Variants in CDH4 observed in about 807,000 individuals in gnomAD.
CDH4 encodes the protein cadherin 4, also known as cadherin-4.
In CDH4, 33 loss-of-function variants were observed where a neutral mutation model predicts 86.0. That is an observed-to-expected ratio of 0.38 (90% CI 0.29 to 0.51). The LOEUF is 0.51. CDH4 is among the 20% of genes least tolerant of loss of function. The pLI, the probability that CDH4 is intolerant of heterozygous loss-of-function variation, is 0.86. For missense variants in CDH4, 1,114 were observed against 1,307.4 expected (o/e 0.85, Z 2.28); for synonymous variants, 555 against 549.4 (o/e 1.01, Z -0.14).
rs2087293049 is a variant in CDH4 at position 61,663,968 on chromosome 20, G to C, written c.170-79595G>C. Among the ~76,000 whole-genome samples the C allele has an allele frequency of 6.6e-6, 1 of 152,228 alleles. No homozygotes were observed. The highest frequency in any genetic ancestry group is 1.5e-5 in the Non-Finnish European group (1 of 68,044). ...AGCACCGGTCCACGTTGAGGTGTCT[G>C]TGTGCCACCGGGACCCTTCCGTAGA... On this transcript the variant is annotated intron_variant, in intron 2 of 15. Coordinates refer to ENST00000614565, the MANE Select transcript of CDH4 (RefSeq NM_001794.5). This position sits in a 1 kb window ranked among gnomAD's most constrained non-coding sequence, Gnocchi z 5.0.
intron 2 of CDH4, among the ~76,000 whole-genome samples, chr20:61,614,673 G>A (rs1422698896): frequency 1.3e-5 from 2 of 152,114 alleles, no homozygotes; most frequent in African/African-American, 2.4e-5. Context: ...TGGTGTCAGA[G>A]AAAACACCCC....
chr20:61,433,693 G>A (rs903658864), intron 2 of CDH4, among the ~76,000 whole-genome samples: 7 of 152,082 alleles, frequency 4.6e-5, no homozygotes, highest in African/African-American at 7.2e-5. Flanking sequence ...GAGTGGTGGC[G>A]CATGTGCCCA....
chr20:61,881,363 T>C (rs1984267896), intron 7 of CDH4, among the ~76,000 whole-genome samples: 1 of 152,176 alleles, frequency 6.6e-6, no homozygotes, highest in Non-Finnish European at 1.5e-5. Context: ...AAGTGCCAAG[T>C]GTGGTCCCGG....
chr20:61,743,820 A>G, intron 3 of CDH4, 31 bp downstream of exon 3: 10 of 1,499,098 alleles, frequency 6.7e-6, no homozygotes, highest in Non-Finnish European at 9.1e-6. Flanking sequence ...TCTGCGCTGG[A>G]GTTTAGATGA....
chr20:61,733,140 G>A (rs1438391839), intron 2 of CDH4, among the ~76,000 whole-genome samples: 1 of 152,124 alleles, frequency 6.6e-6, no homozygotes, highest in Non-Finnish European at 1.5e-5. Flanking sequence ...GAAAGAAGAA[G>A]GGCAGTCTCC....
intron 8 of CDH4, among the ~76,000 whole-genome samples, chr20:61,895,872 G>A (rs1171057177): frequency 6.6e-6 from 1 of 152,194 alleles, no homozygotes; most frequent in African/African-American, 2.4e-5. Flanking sequence ...GGCCCCGTGT[G>A]GCAGTGCTGA....
rs1398366278 is a variant in CDH4, at chr20:61,582,088, G to A, written c.170-161475G>A. 6.6e-6 allele frequency among the ~76,000 whole-genome samples: 1 copy of A among 152,198 alleles called. No individual in the cohort carries two copies. The highest frequency in any genetic ancestry group is 6.5e-5 in the Admixed American group (1 of 15,292). ...CCTGGCTGCGGGTGATCCACTCCCT[G>A]TTTTACTTTGCTCGTGGCCATCATT... On this transcript the variant is annotated intron_variant, in intron 2 of 15. Coordinates refer to ENST00000614565, the MANE Select transcript of CDH4 (RefSeq NM_001794.5). This position sits in a 1 kb window ranked among gnomAD's most constrained non-coding sequence, Gnocchi z 4.2.
chr20:61,608,793 A>G (rs921857671), intron 2 of CDH4, among the ~76,000 whole-genome samples: 5 of 152,132 alleles, frequency 3.3e-5, no homozygotes, highest in South Asian at 4.2e-4. Flanking sequence ...GTATTTGCCA[A>G]TGAAGCTGTC....
chr20:61,576,756 A>G (rs1210340782), intron 2 of CDH4, among the ~76,000 whole-genome samples: 1 of 152,154 alleles, frequency 6.6e-6, no homozygotes, highest in Non-Finnish European at 1.5e-5. Flanking sequence ...GGGTGCTCAG[A>G]AATGTCAGGC....
chr20:61,566,909 C>T (rs980363064), intron 2 of CDH4, among the ~76,000 whole-genome samples: 2 of 152,122 alleles, frequency 1.3e-5, no homozygotes, highest in African/African-American at 4.8e-5. Flanking sequence ...GAATGGACTG[C>T]GTGTCTTCCT....
chr20:61,301,877 T>C (rs1448904786), intron 2 of CDH4, among the ~76,000 whole-genome samples: 1 of 152,226 alleles, frequency 6.6e-6, no homozygotes, highest in Non-Finnish European at 1.5e-5. Flanking sequence ...TCTTAATCTT[T>C]ATCTAGTTCA....
rs1159565016 is a variant in CDH4, at chr20:61,866,524, A to AGCC, written c.878-7204_878-7203insGCC. Among the ~76,000 whole-genome samples, 11 of 152,300 alleles carry AGCC rather than the reference A, an allele frequency of 7.2e-5. No individual in the cohort carries two copies. The East Asian group carries it at 1.5e-3, about 21-fold the overall frequency. On this transcript the variant is annotated intron_variant, in intron 6 of 15. Transcript: ENST00000614565. ...TTAAAGTAGCTTTTGCACATTTGAC[A>AGCC]TGTGGAAAATGTCTTCCTTTCATTT...
intron 2 of CDH4, among the ~76,000 whole-genome samples, chr20:61,606,038 C>G (rs933309941): frequency 3.5e-4 from 53 of 152,200 alleles, no homozygotes; most frequent in African/African-American, 1.2e-3. Flanking sequence ...TGGCATCCCG[C>G]TGACTCTGAG....
chr20:61,451,129 C>A (rs78510540), intron 2 of CDH4, among the ~76,000 whole-genome samples: 6 of 149,762 alleles, frequency 4.0e-5, no homozygotes, highest in South Asian at 2.1e-4. Flanking sequence ...CACGCCCCCC[C>A]CCTTCCCTCC....
chr20:61,818,863 C>T (rs1416110145), intron 4 of CDH4, among the ~76,000 whole-genome samples: 1 of 151,960 alleles, frequency 6.6e-6, no homozygotes, highest in Non-Finnish European at 1.5e-5. Context: ...ACCCGGCAGT[C>T]CAAGCAGAAG....
At chr20:61,466,951 T>C (rs2085475693) in intron 2 of CDH4, among the ~76,000 whole-genome samples, 2 of 152,238 alleles carry the variant, frequency 1.3e-5, no homozygotes, top group South Asian at 4.1e-4. Context: ...GCTAAAAGCA[T>C]TGGTTCATCT....
At chr20:61,405,806 G>A (rs12624392) in intron 2 of CDH4, among the ~76,000 whole-genome samples, 1,619 of 151,778 alleles carry the variant, frequency 0.011, 21 homozygotes, top group African/African-American at 0.033. Flanking sequence ...CCATTCTCCC[G>A]AGTAGCTGGG....
intron 13 of CDH4, among the ~76,000 whole-genome samples, chr20:61,930,234 C>T (rs76112968): frequency 2.8e-4 from 43 of 152,332 alleles, no homozygotes; most frequent in East Asian, 2.5e-3. Context: ...AGTCCCAGGA[C>T]ACTCTCTGAT....
intron 2 of CDH4, among the ~76,000 whole-genome samples, chr20:61,327,889 G>C (rs568518111): frequency 6.6e-6 from 1 of 152,178 alleles, no homozygotes; most frequent in Admixed American, 6.5e-5. Context: ...GACGGCTTGC[G>C]TAAAGGATCA....
Sources: gnomAD v4.1 joint callset for allele counts (sites outside exome capture counted in the v4.1 genomes callset) on GRCh38, gnomAD v4.1.1 for gene constraint, Gnocchi (gnomAD v3.1) non-coding constraint, MANE v1.5 for transcripts, NCBI Gene and HGNC (gene_info 2026-07-23, HGNC 2026-07-21) for gene names.